HECW1: variants seen among roughly 807,000 people sequenced by gnomAD.
HECW1 encodes E3 ubiquitin-protein ligase HECW1.
A neutral mutation model predicts 182.3 loss-of-function variants in HECW1; 61 were observed. That is an observed-to-expected ratio of 0.33 (90% confidence interval 0.27 to 0.41). HECW1 has a LOEUF of 0.41. Among genes scored for constraint, HECW1 ranks in the 10% least tolerant of loss-of-function variants. The probability of loss-of-function intolerance (pLI) is 1.00; values close to 1 mark genes in which losing one functional copy is unlikely to be tolerated. For missense variants in HECW1, 1,739 were observed against 2,108.9 expected (o/e 0.82, Z 3.44); for synonymous variants, 859 against 832.6 (o/e 1.03, Z -0.55).
intron 3 of HECW1, among the ~76,000 whole-genome samples, chr7:43,289,590 C>T (rs1311819266): frequency 6.6e-6 from 1 of 152,210 alleles, no homozygotes; most frequent in African/African-American, 2.4e-5. Context: ...AATCCAGCCA[C>T]CATTGGTAGA....
intron 3 of HECW1, among the ~76,000 whole-genome samples, chr7:43,285,884 C>T (rs1192943104): frequency 6.6e-6 from 1 of 152,114 alleles, no homozygotes; most frequent in African/African-American, 2.4e-5. Context: ...TCTTTTTAAT[C>T]CCAGGAAAAT....
rs181026262 is a variant in HECW1 at position 43,147,173 on chromosome 7, T to G, written c.-32+32782T>G. Among the ~76,000 whole-genome samples the G allele has an allele frequency of 9.7e-4, 148 of 152,298 alleles. 1 individual carries two copies. Among genetic ancestry groups the G allele is most frequent in the East Asian group, 4.4e-3 (23 of 5,192 alleles). ...TAAAGAATAATAGGTAGTTCCCAGG[T>G]AAATATTTTAATGTGCCTATTCTGA... On this transcript the variant is annotated intron_variant, in intron 2 of 29. Coordinates refer to ENST00000395891, the MANE Select transcript of HECW1 (RefSeq NM_015052.5).
intron 2 of HECW1, among the ~76,000 whole-genome samples, chr7:43,156,559 C>T (rs1161979731): frequency 3.9e-5 from 6 of 151,994 alleles, no homozygotes; most frequent in Non-Finnish European, 5.9e-5. Flanking sequence ...TGGCTTGATT[C>T]GTGTCAGAAA....
chr7:43,440,920 C>T (rs1254398604), intron 9 of HECW1, among the ~76,000 whole-genome samples: 1 of 152,174 alleles, frequency 6.6e-6, no homozygotes, highest in Non-Finnish European at 1.5e-5. Context: ...CTCATAATGC[C>T]AGTGTTTTCT....
At chr7:43,486,136 G>A (rs1410611141) in intron 17 of HECW1, among the ~76,000 whole-genome samples, 1 of 151,108 alleles carries the variant, frequency 6.6e-6, no homozygotes, top group Admixed American at 6.6e-5. Flanking sequence ...GTGTTACTTT[G>A]CTGAGAATGA....
chr7:43,131,869 A>G (rs919414342), intron 2 of HECW1, among the ~76,000 whole-genome samples: 3 of 152,196 alleles, frequency 2.0e-5, no homozygotes, highest in Non-Finnish European at 4.4e-5. Context: ...AGTTGGCACA[A>G]GTGTTCACCC....
chr7:43,459,447 ATTT>A (rs972600191), intron 13 of HECW1, among the ~76,000 whole-genome samples: 2 of 151,976 alleles, frequency 1.3e-5, no homozygotes, highest in African/African-American at 4.8e-5. Flanking sequence ...CTGAAGTTTT[ATTT>A]TTTAATTATT....
At chr7:43,249,148 G>C (rs1206971602) in intron 3 of HECW1, 1 of 152,286 alleles carries the variant, frequency 6.6e-6, no homozygotes, top group Non-Finnish European at 1.5e-5. Flanking sequence ...ATCAGAACTC[G>C]GGTCATCTGC....
intron 2 of HECW1, among the ~76,000 whole-genome samples, chr7:43,146,676 G>T (rs1432710008): frequency 6.6e-6 from 1 of 152,202 alleles, no homozygotes; most frequent in African/African-American, 2.4e-5. Flanking sequence ...TCTTTAAAGA[G>T]AGAAGCTTCT....
At chr7:43,114,456 T>C in intron 2 of HECW1, 65 bp downstream of exon 2, 1 of 1,273,104 alleles carries the variant, frequency 7.9e-7, no homozygotes, top group Non-Finnish European at 1.0e-6. Context: ...GGGATTAGAG[T>C]CCACATGCCC....
Position 43,479,715 on chromosome 7 carries a change from C to G in HECW1, c.3205C>G (p.Gln1069Glu). 6.2e-7 allele frequency: 1 copy of G among 1,614,074 alleles called. No homozygotes were observed. The highest frequency in any genetic ancestry group is 8.5e-7 in the Non-Finnish European group (1 of 1,180,002). ...PNHLTHRQHL[Q>E]RLRSYSAGEA... is the part of the protein sequence containing the mutation. Reference sequence around the variant, plus strand: ...TCATCTAACTCACCGACAGCACCTCCAGAGGCTCCGAAGTTACAGCGCTGG... The same window carrying G: ...TCATCTAACTCACCGACAGCACCTCGAGAGGCTCCGAAGTTACAGCGCTGG... Residue 1069 changes from glutamine to glutamate, a missense_variant, in exon 17 of 30, where the codon CAG (glutamine) becomes GAG (glutamate). Physicochemically the swap from Gln to Glu is conservative, Grantham distance 29. Coordinates refer to ENST00000395891, the MANE Select transcript of HECW1 (RefSeq NM_015052.5).
At chr7:43,116,942 A>C (rs1384845506) in intron 2 of HECW1, among the ~76,000 whole-genome samples, 1 of 152,244 alleles carries the variant, frequency 6.6e-6, no homozygotes, top group Non-Finnish European at 1.5e-5. Flanking sequence ...GAAAAAGATT[A>C]GAAATAATTT....
intron 2 of HECW1, among the ~76,000 whole-genome samples, chr7:43,159,678 C>CTTTT (rs36117153): frequency 2.4e-5 from 3 of 123,752 alleles, no homozygotes; most frequent in Non-Finnish European, 5.0e-5. Flanking sequence ...TTCCTTGTAT[C>CTTTT]TTTTTTTTTT....
chr7:43,327,377 G>A (rs1188190137), intron 5 of HECW1, among the ~76,000 whole-genome samples: 5 of 152,108 alleles, frequency 3.3e-5, no homozygotes, highest in Non-Finnish European at 7.4e-5. Flanking sequence ...TTAGCACTAC[G>A]CTAAATTGAA....
At chr7:43,159,718 C>T (rs538439027) in intron 2 of HECW1, among the ~76,000 whole-genome samples, 4 of 126,856 alleles carry the variant, frequency 3.2e-5, no homozygotes, top group Admixed American at 9.7e-5. Flanking sequence ...CTTGCTCTGT[C>T]GCCCAGGCTG....
rs910212149 is a variant in HECW1 at position 43,531,945 on chromosome 7, C to T, written c.4020-9218C>T. On this transcript the variant is annotated intron_variant, in intron 24 of 29. Transcript: ENST00000395891. ...CCAGATGCCTGGCTTCAAATGCCAT[C>T]TGCATCCTGACGGCCCCACAGTGAC... 2.0e-5 allele frequency among the ~76,000 whole-genome samples: 3 copies of T among 152,344 alleles called. No individual in the cohort carries two copies. The East Asian group carries it at 5.8e-4, about 29-fold the overall frequency.
chr7:43,139,013 CATTT>C (rs1294418514), intron 2 of HECW1, among the ~76,000 whole-genome samples: 2 of 152,008 alleles, frequency 1.3e-5, no homozygotes, highest in African/African-American at 2.4e-5. Context: ...GTTTTAATAA[CATTT>C]AGTATTTTAG....
chr7:43,519,129 A>G (rs2080314865), intron 24 of HECW1, among the ~76,000 whole-genome samples: 1 of 152,248 alleles, frequency 6.6e-6, no homozygotes, highest in African/African-American at 2.4e-5. Flanking sequence ...ATAACCTAGT[A>G]TAATCCTCTA....
At chr7:43,385,981 A>C (rs2074778508) in intron 6 of HECW1, among the ~76,000 whole-genome samples, 1 of 152,164 alleles carries the variant, frequency 6.6e-6, no homozygotes, top group Non-Finnish European at 1.5e-5. Flanking sequence ...TTTCAAGCTC[A>C]TTCTTGTTGT....
Sources: gnomAD v4.1 joint callset for allele counts (sites outside exome capture counted in the v4.1 genomes callset) on GRCh38, gnomAD v4.1.1 for gene constraint, MANE v1.5 for transcripts, NCBI Gene and HGNC (gene_info 2026-07-23, HGNC 2026-07-21) for gene names.